The following NKAIN2 variants were observed in gnomAD, a reference collection of about 807,000 sequenced individuals.
NKAIN2 encodes the protein sodium/potassium transporting ATPase interacting 2.
NKAIN2 carries 14 observed loss-of-function variants against 32.6 expected under a neutral mutation model. The ratio of observed to expected loss-of-function variants is 0.43; its 90% confidence interval spans 0.28 to 0.67. The LOEUF is 0.67. Ranked by LOEUF, NKAIN2 falls within the 30% of genes least tolerant of loss-of-function variation. The pLI is 0.17. For synonymous variants in NKAIN2, 80 were observed against 87.2 expected, an observed-to-expected ratio of 0.92 and a Z score of 0.46; for missense variants, 198 against 258.3, an observed-to-expected ratio of 0.77 and a Z score of 1.60.
chr6:124,199,444 T>A (rs1334681398), intron 1 of NKAIN2, among the ~76,000 whole-genome samples: 3 of 152,188 alleles, frequency 2.0e-5, no homozygotes, highest in Non-Finnish European at 2.9e-5. Flanking sequence ...AGGGCTCACA[T>A]TCATTCTCAC....
chr6:124,475,114 A>G (rs564480687), intron 3 of NKAIN2, among the ~76,000 whole-genome samples: 1 of 151,878 alleles, frequency 6.6e-6, no homozygotes, highest in Non-Finnish European at 1.5e-5. Flanking sequence ...GAAAGACTTG[A>G]TGGATTTCTC....
chr6:124,584,331 A>G (rs572103531), intron 3 of NKAIN2, among the ~76,000 whole-genome samples: 7 of 152,308 alleles, frequency 4.6e-5, no homozygotes, highest in African/African-American at 1.7e-4. Context: ...GAAATGGGCA[A>G]AAGATCTGAA....
intron 4 of NKAIN2, among the ~76,000 whole-genome samples, chr6:124,755,603 C>T (rs1777926806): frequency 6.6e-6 from 1 of 152,108 alleles, no homozygotes; most frequent in South Asian, 2.1e-4. Context: ...AGTAAACTAA[C>T]ACAGGAACAG....
chr6:124,087,136 T>C (rs139681789), intron 1 of NKAIN2, among the ~76,000 whole-genome samples: 8 of 152,090 alleles, frequency 5.3e-5, no homozygotes, highest in South Asian at 2.1e-4. Flanking sequence ...AATCAATTAA[T>C]GTAAACCTTT....
intron 2 of NKAIN2, among the ~76,000 whole-genome samples, chr6:124,304,217 T>C (rs1359326342): frequency 6.6e-6 from 1 of 152,174 alleles, no homozygotes; most frequent in African/African-American, 2.4e-5. Flanking sequence ...AATTAACTCA[T>C]TTCCACCTTC....
rs200656776 is a variant in NKAIN2 at position 124,573,747 on chromosome 6, G to A, written c.274-84439G>A. On this transcript the variant is annotated intron_variant, in intron 3 of 6. Coordinates refer to ENST00000368417, the MANE Select transcript of NKAIN2 (RefSeq NM_001040214.3). Reference sequence around the variant, plus strand: ...AGTATAACATGGACTACATATATATGAATGATGTATAGCAGACTAGTGATA... The same window carrying A: ...AGTATAACATGGACTACATATATATAAATGATGTATAGCAGACTAGTGATA... Among the ~76,000 whole-genome samples, 15 of 152,176 alleles carry A rather than the reference G, an allele frequency of 9.9e-5. No homozygotes were observed. The East Asian group carries it at 2.9e-3, about 29-fold the overall frequency.
chr6:124,674,085 T>G (rs564385788), intron 4 of NKAIN2, among the ~76,000 whole-genome samples: 194 of 152,146 alleles, frequency 1.3e-3, no homozygotes, highest in African/African-American at 4.3e-3. Flanking sequence ...GATATTTACT[T>G]AACATCATTT....
intron 1 of NKAIN2, among the ~76,000 whole-genome samples, chr6:123,951,800 GT>G (rs1359412177): frequency 6.6e-6 from 1 of 151,392 alleles, no homozygotes; most frequent in Non-Finnish European, 1.5e-5. Context: ...CATTAATATT[GT>G]TTTTAATATG....
rs190928914 is a variant in NKAIN2 at position 124,712,137 on chromosome 6, G to A, written c.474+53751G>A. ...CTCCCAGTTAGGCTGCTCGGGGGTC[G>A]GGCGTCAGGGACCCACTTGAGGAGG... On this transcript the variant is annotated intron_variant, in intron 4 of 6. Coordinates refer to ENST00000368417, the MANE Select transcript of NKAIN2 (RefSeq NM_001040214.3). 4.6e-4 allele frequency among the ~76,000 whole-genome samples: 70 copies of A among 151,274 alleles called. 1 individual carries two copies. The highest frequency in any genetic ancestry group is 3.4e-3 in the Middle Eastern group (1 of 292).
intron 2 of NKAIN2, among the ~76,000 whole-genome samples, chr6:124,301,144 G>T (rs1049623859): frequency 6.6e-6 from 1 of 152,128 alleles, no homozygotes; most frequent in African/African-American, 2.4e-5. Context: ...GGGACTTGCT[G>T]CCCTACATCC....
At chr6:124,230,860 T>C (rs1244852262) in intron 1 of NKAIN2, among the ~76,000 whole-genome samples, 2 of 151,838 alleles carry the variant, frequency 1.3e-5, no homozygotes, top group East Asian at 1.9e-4. Flanking sequence ...AGAAGGGAAA[T>C]GTAAGGTTGG....
At chr6:124,558,311 G>C (rs1194772816) in intron 3 of NKAIN2, among the ~76,000 whole-genome samples, 1 of 152,212 alleles carries the variant, frequency 6.6e-6, no homozygotes, top group Non-Finnish European at 1.5e-5. Context: ...CATAATGGAA[G>C]GTCTTGGATT....
At chr6:124,508,297 T>C (rs578192332) in intron 3 of NKAIN2, among the ~76,000 whole-genome samples, 35 of 151,276 alleles carry the variant, frequency 2.3e-4, no homozygotes, top group Non-Finnish European at 4.6e-4. Flanking sequence ...AAAAACCCAC[T>C]CAATTAGTCA....
intron 2 of NKAIN2, among the ~76,000 whole-genome samples, chr6:124,342,507 T>G (rs946764862): frequency 6.6e-6 from 1 of 151,890 alleles, no homozygotes; most frequent in African/African-American, 2.4e-5. Flanking sequence ...CTTTTTTTGT[T>G]GTTTTTTCTT....
intron 3 of NKAIN2, among the ~76,000 whole-genome samples, chr6:124,380,159 T>C (rs1487605468): frequency 6.6e-6 from 1 of 152,174 alleles, no homozygotes; most frequent in Non-Finnish European, 1.5e-5. Context: ...GCGTCCCAGC[T>C]ATTCAGTAAC....
chr6:124,737,715 C>T (rs1777022209), intron 4 of NKAIN2, among the ~76,000 whole-genome samples: 1 of 151,818 alleles, frequency 6.6e-6, no homozygotes, highest in Non-Finnish European at 1.5e-5. Flanking sequence ...TGTTGAATGG[C>T]TTTGACCAAA....
intron 1 of NKAIN2, among the ~76,000 whole-genome samples, chr6:123,884,492 G>A (rs1265075331): frequency 6.6e-6 from 1 of 152,054 alleles, no homozygotes; most frequent in African/African-American, 2.4e-5. Flanking sequence ...ATGTGGGTGG[G>A]TGTGTGTGTT....
intron 1 of NKAIN2, among the ~76,000 whole-genome samples, chr6:124,247,298 A>G (rs1793458600): frequency 1.3e-5 from 2 of 152,124 alleles, no homozygotes; most frequent in Admixed American, 1.3e-4. Context: ...GTGTGTGAGT[A>G]TATGTTTGTG....
intron 3 of NKAIN2, among the ~76,000 whole-genome samples, chr6:124,560,240 C>T (rs1780638866): frequency 6.6e-6 from 1 of 152,068 alleles, no homozygotes; most frequent in African/African-American, 2.4e-5. Context: ...GATAGTGAGT[C>T]AGTTCTCTTG....
Sources: allele counts gnomAD v4.1 joint callset (sites outside exome capture counted in the v4.1 genomes callset), GRCh38; gene constraint gnomAD v4.1.1; transcripts MANE v1.5; gene names NCBI Gene and HGNC (gene_info 2026-07-23, HGNC 2026-07-21).